PLCG1: variants seen among roughly 807,000 people sequenced by gnomAD.
PLCG1 encodes phospholipase C gamma 1.
In PLCG1, 71 loss-of-function variants were observed where a neutral mutation model predicts 177.8. The ratio of observed to expected loss-of-function variants is 0.40; its 90% CI spans 0.33 to 0.49. The LOEUF (loss-of-function observed/expected upper bound fraction) is 0.49, where lower values mean the gene tolerates loss of function less well. PLCG1 is among the 20% of genes least tolerant of loss of function. PLCG1 has a pLI of 0.72. For missense variants in PLCG1, 1,281 were observed against 1,709.0 expected (o/e 0.75, Z 4.42); for synonymous variants, 658 against 647.9 (o/e 1.02, Z -0.24).
chr20:41,163,737 A>G lies in PLCG1; in HGVS notation c.914A>G (p.Lys305Arg), dbSNP rs765672065. 5.0e-6 allele frequency: 8 copies of G among 1,609,262 alleles called. No individual in the cohort carries two copies. Among genetic ancestry groups the G allele is most frequent in the Admixed American group, 1.7e-5 (1 of 60,014 alleles). Reference protein sequence around the residue: ...LDEFVTFLFSKENSVWNSQLD... With the variant: ...LDEFVTFLFSRENSVWNSQLD... ...CAGTTTGTCACCTTCCTGTTCTCCA[A>G]AGAGAACAGTGTGTGGAACTCGCAG... is the stretch of plus-strand genomic sequence containing the variant. The change falls in exon 10 of 32, where the codon AAA (lysine) becomes AGA (arginine). Residue 305 changes from lysine to arginine, a missense_variant. Lys to Arg is a conservative substitution (Grantham distance 26). This residue lies in a region of PLCG1 where 374 missense variants were observed against 443.8 expected (regional missense o/e 0.84). Transcript: ENST00000685551. This position sits in a 1 kb window ranked among gnomAD's most constrained non-coding sequence, Gnocchi z 5.2.
At position 41,172,311 on chromosome 20, in the gene PLCG1, G is replaced by C; in HGVS notation, c.2905+22G>C. On this transcript the variant is annotated intron_variant, in intron 25 of 31. Transcript: ENST00000685551. The surrounding 1 kb of genome is among the most constrained non-coding windows in gnomAD (Gnocchi z 7.0). ...GAGAGTAAGGGCCAGGGCCCAGGCG[G>C]GGTGTGCATGTGCCTGGAGGGCCTG... 6.3e-7 allele frequency: 1 copy of C among 1,593,074 alleles called. No individual in the cohort carries two copies. The highest frequency in any genetic ancestry group is 8.6e-7 in the Non-Finnish European group (1 of 1,160,694).
Position 41,148,856 on chromosome 20 carries a change from C to T in PLCG1, c.218-10750C>T, listed in dbSNP as rs1478145405. On this transcript the variant is annotated intron_variant, in intron 1 of 31. Transcript: ENST00000685551. The surrounding 1 kb of genome is among the most constrained non-coding windows in gnomAD (Gnocchi z 4.3). Reference sequence around the variant, plus strand: ...GGATTCTGAGGCATTACAGAGCACACGTCTAGGGTACAGGCAGTCTTGGCT... The same window carrying T: ...GGATTCTGAGGCATTACAGAGCACATGTCTAGGGTACAGGCAGTCTTGGCT... Among the ~76,000 whole-genome samples the T allele has an allele frequency of 6.6e-6, 1 of 152,180 alleles. No individual in the cohort carries two copies. The highest frequency in any genetic ancestry group is 1.5e-5 in the Non-Finnish European group (1 of 68,026).
chr20:41,168,957 C>T, intron 21 of PLCG1, 87 bp downstream of exon 21: 1 of 1,126,668 alleles, frequency 8.9e-7, no homozygotes, highest in Non-Finnish European at 1.4e-6. Flanking sequence ...GTGCTTGTCT[C>T]CTGTGTGCAC....
In PLCG1 at chr20:41,162,938, C is replaced by T. The variant is rs1443928686; in HGVS notation, c.682-20C>T. ...TGGCCTCCCAGGGGTCTTGCCCTGACCAGGTTCTGTTTCCTGCAGATGGAC... is the reference window on the plus strand; with the variant it reads ...TGGCCTCCCAGGGGTCTTGCCCTGATCAGGTTCTGTTTCCTGCAGATGGAC... On this transcript the variant is annotated intron_variant, in intron 6 of 31. Transcript: ENST00000685551. 6.8e-6 allele frequency: 11 copies of T among 1,613,176 alleles called. No individual in the cohort carries two copies. The highest frequency in any genetic ancestry group is 9.3e-6 in the Non-Finnish European group (11 of 1,179,100).
In PLCG1 at chr20:41,148,599, A is replaced by T. The variant is rs1190866630; in HGVS notation, c.217+10741A>T. Among the ~76,000 whole-genome samples, 1 of 152,196 alleles carries T rather than the reference A, an allele frequency of 6.6e-6. No individual in the cohort carries two copies. Among genetic ancestry groups the T allele is most frequent in the African/African-American group, 2.4e-5 (1 of 41,448 alleles). On this transcript the variant is annotated intron_variant, in intron 1 of 31. Coordinates refer to ENST00000685551, the MANE Select transcript of PLCG1 (RefSeq NM_002660.3). This position sits in a 1 kb window ranked among gnomAD's most constrained non-coding sequence, Gnocchi z 4.3. The stretch of plus-strand genomic sequence containing the variant: ...GCTTTCATAGTATTTTTCTTGAATA[A>T]GGTCCCCAAAACCTTATTAAGTTCC...
Position 41,172,866 on chromosome 20 carries a change from A to G in PLCG1, c.3268A>G (p.Ile1090Val). 6.2e-7 allele frequency: 1 copy of G among 1,614,056 alleles called. No individual in the cohort carries two copies. The highest frequency in any genetic ancestry group is 1.1e-5 in the South Asian group (1 of 91,066). Residue 1090 changes from isoleucine to valine, a missense_variant, in exon 27 of 32, where the codon ATC (isoleucine) becomes GTC (valine). Ile to Val is a conservative substitution (Grantham distance 29, BLOSUM62 3). Around this residue, in one of 4 missense-constraint regions of PLCG1, gnomAD observed 723 missense variants for 1,030.0 expected, o/e 0.70. Coordinates refer to ENST00000685551, the MANE Select transcript of PLCG1 (RefSeq NM_002660.3). The surrounding 1 kb of genome is among the most constrained non-coding windows in gnomAD (Gnocchi z 7.0). ...CCTCCGCGGGCTGGAGCCATGTGCCATCTCTATTGAGGTGGGTGCTGCTCA... is the reference window on the plus strand; with the variant it reads ...CCTCCGCGGGCTGGAGCCATGTGCCGTCTCTATTGAGGTGGGTGCTGCTCA... ...SSLRGLEPCA[I>V]SIEVLGARHL...
Position 41,163,360 on chromosome 20 carries a change from C to T in PLCG1, c.790-18C>T. ...GACTGGAGGCTTCTCTCATCCCCTG[C>T]CCTCCCTACCCCATCAGGAGCTGTG... On this transcript the variant is annotated intron_variant, in intron 8 of 31. Transcript: ENST00000685551. This position sits in a 1 kb window ranked among gnomAD's most constrained non-coding sequence, Gnocchi z 5.2. 2.5e-6 allele frequency: 4 copies of T among 1,605,504 alleles called. No individual in the cohort carries two copies. The highest frequency in any genetic ancestry group is 3.4e-6 in the Non-Finnish European group (4 of 1,172,272).
Position 41,137,936 on chromosome 20 carries a change from C to A in PLCG1, c.217+78C>A. 9.8e-7 allele frequency: 1 copy of A among 1,024,812 alleles called. No individual in the cohort carries two copies. Among genetic ancestry groups the A allele is most frequent in the Non-Finnish European group, 1.3e-6 (1 of 788,558 alleles). The allele number at this position is 1,024,812 out of a possible 1,614,324, so 63.5% of individuals were successfully genotyped here. ...CCCGGCCCGACTGCTTGCACCCCGG[C>A]CGGCCGCCCCAGCGACTTGGGCAAA... On this transcript the variant is annotated intron_variant, in intron 1 of 31. Transcript: ENST00000685551. This position sits in a 1 kb window ranked among gnomAD's most constrained non-coding sequence, Gnocchi z 7.3.
chr20:41,162,235 G>GGT lies in PLCG1; in HGVS notation c.513-217_513-216insGT, dbSNP rs2035525830. 3.5e-5 allele frequency: 5 copies of GGT among 143,598 alleles called. No individual in the cohort carries two copies. The South Asian group carries it at 3.6e-4, about 10-fold the overall frequency. The allele number at this position is 143,598 out of a possible 1,614,324, so 8.9% of individuals were successfully genotyped here. The stretch of plus-strand genomic sequence containing the variant: ...GGTTTTTTTTGTTTGTTTTGTTTTT[G>GGT]TTTTTTTTTTTTTTTTTTTTGCTCA... On this transcript the variant is annotated intron_variant, in intron 4 of 31. Transcript: ENST00000685551.
At position 41,162,996 on chromosome 20, in the gene PLCG1, T is replaced by C; in HGVS notation, c.716+4T>C. ...TCTTGGAAGCCAGTACTCTGAGGTT[T>C]GGTTTGGAGTGGGGAGGTGGGGTTT... On this transcript the variant is annotated splice_donor_region_variant and intron_variant, in intron 7 of 31. Coordinates refer to ENST00000685551, the MANE Select transcript of PLCG1 (RefSeq NM_002660.3). 1 of 1,613,648 alleles carries C rather than the reference T, an allele frequency of 6.2e-7. No homozygotes were observed. Among genetic ancestry groups the C allele is most frequent in the Non-Finnish European group, 8.5e-7 (1 of 1,179,620 alleles).
rs760682083 is a variant in PLCG1 at position 41,160,063 on chromosome 20, T to C, written c.465-43T>C. On this transcript the variant is annotated intron_variant, in intron 3 of 31. Coordinates refer to ENST00000685551, the MANE Select transcript of PLCG1 (RefSeq NM_002660.3). This position sits in a 1 kb window ranked among gnomAD's most constrained non-coding sequence, Gnocchi z 5.5. ...TGCCCAGACATCTCCCAGGCCTGAC[T>C]GTAGATGGAGAAGTGGCCCTCACCT... 2 of 1,610,266 alleles carry C rather than the reference T, an allele frequency of 1.2e-6. No homozygotes were observed. The highest frequency in any genetic ancestry group is 1.7e-6 in the Non-Finnish European group (2 of 1,176,494).
Position 41,160,056 on chromosome 20 carries a change from G to A in PLCG1, c.465-50G>A. ...CTTTGTGTGCCCAGACATCTCCCAG[G>A]CCTGACTGTAGATGGAGAAGTGGCC... On this transcript the variant is annotated intron_variant, in intron 3 of 31. Coordinates refer to ENST00000685551, the MANE Select transcript of PLCG1 (RefSeq NM_002660.3). This position sits in a 1 kb window ranked among gnomAD's most constrained non-coding sequence, Gnocchi z 5.5. The A allele has an allele frequency of 6.2e-7, 1 of 1,608,008 alleles. No individual in the cohort carries two copies. Among genetic ancestry groups the A allele is most frequent in the Non-Finnish European group, 8.5e-7 (1 of 1,174,456 alleles).
rs1384209306 is a variant in PLCG1 at position 41,163,390 on chromosome 20, G to A, written c.802G>A (p.Val268Ile). Residue 268 changes from valine to isoleucine, a missense_variant, in exon 9 of 32, where the codon GTT becomes ATT. This residue lies in a region of PLCG1 where 374 missense variants were observed against 443.8 expected (regional missense o/e 0.84). Transcript: ENST00000685551. The surrounding 1 kb of genome is among the most constrained non-coding windows in gnomAD (Gnocchi z 5.2). The part of the protein sequence containing the change: ...LLDYQGELWA[V>I]DRLQVQEFML... ...CCTACCCCATCAGGAGCTGTGGGCTGTTGATCGCCTCCAGGTGCAGGAGTT... is the reference window on the plus strand; with the variant it reads ...CCTACCCCATCAGGAGCTGTGGGCTATTGATCGCCTCCAGGTGCAGGAGTT... 6.2e-7 allele frequency: 1 copy of A among 1,612,982 alleles called. No homozygotes were observed. The highest frequency in any genetic ancestry group is 8.5e-7 in the Non-Finnish European group (1 of 1,179,118).
In PLCG1 at chr20:41,162,470, G is replaced by A; in HGVS notation, c.531G>A (p.Leu177=). Residue 177 remains leucine, a synonymous_variant, in exon 5 of 32, where the codon CTG becomes CTA. Coordinates refer to ENST00000685551, the MANE Select transcript of PLCG1 (RefSeq NM_002660.3). ...NREDRISAKD[L]KNMLSQVNYR... ...TTCTCAGTATATCAGCCAAGGACCT[G>A]AAGAACATGCTGTCCCAGGTCAACT... 1 of 1,613,844 alleles carries A rather than the reference G, an allele frequency of 6.2e-7. No individual in the cohort carries two copies. Among genetic ancestry groups the A allele is most frequent in the Non-Finnish European group, 8.5e-7 (1 of 1,179,850 alleles).
Position 41,173,430 on chromosome 20 carries a change from C to G in PLCG1, c.3290C>G (p.Ala1097Gly). 6.2e-7 allele frequency: 1 copy of G among 1,600,708 alleles called. No homozygotes were observed. The highest frequency in any genetic ancestry group is 8.5e-7 in the Non-Finnish European group (1 of 1,172,670). ...PCAISIEVLGARHLPKNGRGI... is the reference protein window; with the variant it reads ...PCAISIEVLGGRHLPKNGRGI... ...TTTGTCTGCCTACAGGTGCTGGGGG[C>G]CCGACATCTGCCAAAGAATGGCCGA... Residue 1097 changes from alanine to glycine, a missense_variant, in exon 28 of 32, where the codon GCC becomes GGC. Physicochemically the swap from Ala to Gly is moderately conservative, Grantham distance 60 (BLOSUM62 0). Coordinates refer to ENST00000685551, the MANE Select transcript of PLCG1 (RefSeq NM_002660.3). This position sits in a 1 kb window ranked among gnomAD's most constrained non-coding sequence, Gnocchi z 6.2.
intron 1 of PLCG1, among the ~76,000 whole-genome samples, chr20:41,138,267 A>T (rs1485278131): frequency 6.6e-6 from 1 of 150,948 alleles, no homozygotes; most frequent in Non-Finnish European, 1.5e-5. Flanking sequence ...CCCACTCTTT[A>T]TCCAGAAAGA....
chr20:41,163,526 G>T lies in PLCG1; in HGVS notation c.891+47G>T, dbSNP rs200918653. On this transcript the variant is annotated intron_variant, in intron 9 of 31. Transcript: ENST00000685551. This position sits in a 1 kb window ranked among gnomAD's most constrained non-coding sequence, Gnocchi z 5.2. ...TTTTTTGTCAAGAGAATGAGTAGGG[G>T]TGACCAGGACCCCACCCGGGCTCCA... 2.0e-5 allele frequency: 28 copies of T among 1,405,546 alleles called. No homozygotes were observed. In the East Asian group the frequency reaches 3.4e-4, roughly 17 times the overall value. 87.1% of individuals were successfully genotyped at this position (1,405,546 alleles called of 1,614,324 possible).
Position 41,163,014 on chromosome 20 carries a change from T to G in PLCG1, c.716+22T>G, listed in dbSNP as rs1600659999. ...TGAGGTTTGGTTTGGAGTGGGGAGGTGGGGTTTTCCCTGGGCCCCCTTCAT... is the reference window on the plus strand; with the variant it reads ...TGAGGTTTGGTTTGGAGTGGGGAGGGGGGGTTTTCCCTGGGCCCCCTTCAT... On this transcript the variant is annotated intron_variant, in intron 7 of 31. Coordinates refer to ENST00000685551, the MANE Select transcript of PLCG1 (RefSeq NM_002660.3). The surrounding 1 kb of genome is among the most constrained non-coding windows in gnomAD (Gnocchi z 5.2). The G allele has an allele frequency of 6.2e-7, 1 of 1,612,126 alleles. No individual in the cohort carries two copies. The highest frequency in any genetic ancestry group is 8.5e-7 in the Non-Finnish European group (1 of 1,178,464).
chr20:41,165,468 T>A lies in PLCG1; in HGVS notation c.1528T>A (p.Phe510Ile), dbSNP rs759669631. 1.2e-6 allele frequency: 2 copies of A among 1,613,948 alleles called. No homozygotes were observed. Among genetic ancestry groups the A allele is most frequent in the Admixed American group, 3.3e-5 (2 of 60,004 alleles). Residue 510 changes from phenylalanine to isoleucine, a missense_variant, in exon 15 of 32, where the codon TTT becomes ATT. By Grantham distance (21) the Phe-to-Ile change is conservative. Transcript: ENST00000685551. The surrounding 1 kb of genome is among the most constrained non-coding windows in gnomAD (Gnocchi z 6.6). ...GTTCCAGGAATGGTATCCCCACTAC[T>A]TTGTTCTGACCAGCAGCAAGATCTA... ...PVNHEWYPHYFVLTSSKIYYS... is the reference protein window; with the variant it reads ...PVNHEWYPHYIVLTSSKIYYS...
Sources: gnomAD v4.1 joint callset for allele counts (sites outside exome capture counted in the v4.1 genomes callset) on GRCh38, gnomAD v4.1.1 for gene constraint, gnomAD v4.1.1 regional missense constraint, Gnocchi (gnomAD v3.1) non-coding constraint, MANE v1.5 for transcripts, NCBI Gene and HGNC (gene_info 2026-07-23, HGNC 2026-07-21) for gene names.